PLD5: variants seen among roughly 807,000 people sequenced by gnomAD.
PLD5 encodes phospholipase D family member 5.
Under a neutral mutation model 61.1 loss-of-function variants are expected in PLD5, and 36 were observed. That is an observed-to-expected ratio of 0.59 (90% CI 0.45 to 0.78). The LOEUF (loss-of-function observed/expected upper bound fraction) is 0.78. PLD5 is among the 30% of genes least tolerant of loss of function. The probability of loss-of-function intolerance (pLI) is 0.00; values close to 1 mark genes in which losing one functional copy is unlikely to be tolerated. For missense variants in PLD5, 515 were observed against 644.4 expected (o/e 0.80, Z 2.17); for synonymous variants, 243 against 242.8 (o/e 1.00, Z -0.01).
chr1:242,301,642 T>G (rs1032693294), intron 2 of PLD5, among the ~76,000 whole-genome samples: 3 of 152,170 alleles, frequency 2.0e-5, no homozygotes, highest in African/African-American at 7.2e-5. Flanking sequence ...GTCATTAGTT[T>G]CTTATATAGT....
chr1:242,154,557 G>GAATTTTGTTGAATTT (rs1665201676), intron 5 of PLD5, among the ~76,000 whole-genome samples: 1 of 151,976 alleles, frequency 6.6e-6, no homozygotes, highest in Admixed American at 6.6e-5. Flanking sequence ...GCACGAAGGG[G>GAATTTTGTTGAATTT]TGTTGAATTT....
chr1:242,121,055 T>C (rs1662320563), intron 6 of PLD5, among the ~76,000 whole-genome samples: 1 of 152,218 alleles, frequency 6.6e-6, no homozygotes, highest in Admixed American at 6.5e-5. Context: ...CTTGAGACAA[T>C]CAGCTTATAA....
At chr1:242,171,477 C>A (rs1666741466) in intron 5 of PLD5, among the ~76,000 whole-genome samples, 1 of 152,124 alleles carries the variant, frequency 6.6e-6, no homozygotes, top group African/African-American at 2.4e-5. Context: ...GAAGAAACTG[C>A]ATCTACTAAT....
intron 2 of PLD5, among the ~76,000 whole-genome samples, chr1:242,322,539 G>T (rs1210541391): frequency 1.3e-5 from 2 of 152,082 alleles, no homozygotes; most frequent in African/African-American, 4.8e-5. Flanking sequence ...GATATGGTTT[G>T]GTTCTGTGTC....
chr1:242,297,621 C>CTT (rs56851216), intron 2 of PLD5, among the ~76,000 whole-genome samples: 14 of 107,208 alleles, frequency 1.3e-4, no homozygotes, highest in African/African-American at 3.7e-4. Context: ...ATTCATGTTT[C>CTT]TTTTTTTTTT....
chr1:242,117,284 G>A (rs1662019291), intron 6 of PLD5, among the ~76,000 whole-genome samples: 1 of 152,022 alleles, frequency 6.6e-6, no homozygotes, highest in African/African-American at 2.4e-5. Context: ...GGGCATCTCT[G>A]CTCATGCCGG....
intron 2 of PLD5, among the ~76,000 whole-genome samples, chr1:242,289,473 C>G (rs760736288): frequency 1.3e-5 from 2 of 152,182 alleles, no homozygotes; most frequent in African/African-American, 4.8e-5. Context: ...CTCAGCCTCC[C>G]AAGTAGCTGA....
intron 5 of PLD5, among the ~76,000 whole-genome samples, chr1:242,198,828 G>A (rs764957311): frequency 2.6e-5 from 4 of 151,566 alleles, no homozygotes; most frequent in Admixed American, 2.0e-4. Context: ...TCCACCTCCC[G>A]GGTTCAAGCG....
intron 5 of PLD5, among the ~76,000 whole-genome samples, chr1:242,134,709 TC>T (rs1246804595): frequency 6.6e-6 from 1 of 152,190 alleles, no homozygotes; most frequent in African/African-American, 2.4e-5. Flanking sequence ...GGACTTCTCC[TC>T]CTCAACAATG....
intron 2 of PLD5, among the ~76,000 whole-genome samples, chr1:242,307,795 A>G (rs1676466233): frequency 6.6e-6 from 1 of 152,086 alleles, no homozygotes; most frequent in Non-Finnish European, 1.5e-5. Context: ...GTCACCACCA[A>G]TAATTGTCTA....
chr1:242,167,076 TAGTAATAATAATAATAATAATA>T (rs1666362071), intron 5 of PLD5, among the ~76,000 whole-genome samples: 1 of 77,382 alleles, frequency 1.3e-5, no homozygotes, highest in African/African-American at 6.0e-5. Flanking sequence ...ACAATAATAA[TAGTAATAATAATAATAATAATA>T]ATAATAATAA....
chr1:242,365,171 A>C (rs1661273552), intron 1 of PLD5: 1 of 152,246 alleles, frequency 6.6e-6, no homozygotes, highest in Non-Finnish European at 1.5e-5. Flanking sequence ...TTTTCCAATT[A>C]CCATGGCATG....
At chr1:242,357,518 T>C (rs9729732) in intron 1 of PLD5, among the ~76,000 whole-genome samples, 5,148 of 150,894 alleles carry the variant, frequency 0.034, 216 homozygotes, top group African/African-American at 0.093. Context: ...GGAATTTTGC[T>C]CTTGTTGCCC....
chr1:242,089,278 T>C lies in PLD5; in HGVS notation c.*576A>G, dbSNP rs1033318335. On this transcript the variant is annotated 3_prime_UTR_variant, in exon 10 of 10. Coordinates refer to ENST00000536534, the MANE Select transcript of PLD5 (RefSeq NM_001372062.1). ...AACATTTTGTGAGAAGAGAAAATGA[T>C]ACCAAATAAAACTTATGGTATAAGA... 1 of 398,934 alleles carries C rather than the reference T, an allele frequency of 2.5e-6. No individual in the cohort carries two copies. Among genetic ancestry groups the C allele is most frequent in the African/African-American group, 2.1e-5 (1 of 48,632 alleles). 24.7% of individuals were successfully genotyped at this position (398,934 alleles called of 1,614,324 possible).
chr1:242,174,057 T>C (rs1666950343), intron 5 of PLD5, among the ~76,000 whole-genome samples: 2 of 152,144 alleles, frequency 1.3e-5, no homozygotes, highest in South Asian at 4.1e-4. Flanking sequence ...TGGGATCTAA[T>C]TAAACTAAAG....
intron 1 of PLD5, chr1:242,449,455 A>C: frequency 6.5e-7 from 1 of 1,534,632 alleles, no homozygotes; most frequent in Non-Finnish European, 8.7e-7. Context: ...GAGGCAGAGA[A>C]TGTTTCATGT....
intron 4 of PLD5, among the ~76,000 whole-genome samples, chr1:242,238,001 T>C (rs1671751231): frequency 6.6e-6 from 1 of 152,024 alleles, no homozygotes; most frequent in South Asian, 2.1e-4. Flanking sequence ...CCCTCATCCC[T>C]CCTGTAACAT....
In PLD5 at chr1:242,453,875, A is replaced by G. The variant is rs183605777; in HGVS notation, c.189+70213T>C. ...ACCCCTAGTCCTATCTTCCTGTACT[A>G]CCTATGTATTTTTGCCTGGCCATTG... On this transcript the variant is annotated intron_variant, in intron 1 of 9. Transcript: ENST00000536534. 5.3e-5 allele frequency among the ~76,000 whole-genome samples: 8 copies of G among 152,114 alleles called. No individual in the cohort carries two copies. In the East Asian group the frequency reaches 1.5e-3, roughly 29 times the overall value.
intron 5 of PLD5, among the ~76,000 whole-genome samples, chr1:242,144,562 C>T (rs1252106374): frequency 1.3e-5 from 2 of 152,122 alleles, no homozygotes; most frequent in African/African-American, 2.4e-5. Context: ...GGGAGGATCA[C>T]TTGAGGTCAG....
Sources: allele counts gnomAD v4.1 joint callset (sites outside exome capture counted in the v4.1 genomes callset), GRCh38; gene constraint gnomAD v4.1.1; transcripts MANE v1.5; gene names NCBI Gene and HGNC (gene_info 2026-07-23, HGNC 2026-07-21).